ZMYM2: variants seen among roughly 807,000 people sequenced by gnomAD.
The protein encoded by ZMYM2 is zinc finger MYM-type protein 2.
A neutral mutation model predicts 162.8 loss-of-function variants in ZMYM2; 56 were observed. The observed-to-expected ratio is 0.34, with a 90% confidence interval of 0.28 to 0.43. ZMYM2 has a LOEUF of 0.43. Ranked by LOEUF, ZMYM2 falls within the 20% of genes least tolerant of loss-of-function variation. The pLI is 1.00. For missense variants in ZMYM2, 1,275 were observed against 1,621.8 expected, an observed-to-expected ratio of 0.79 and a Z score of 3.67; for synonymous variants, 510 against 541.6, an observed-to-expected ratio of 0.94 and a Z score of 0.81.
At chr13:20,081,961 A>G (rs1235588821) in intron 21 of ZMYM2, 55 bp from the exon 22 acceptor site, 18 of 1,131,634 alleles carry the variant, frequency 1.6e-5, no homozygotes, top group Admixed American at 3.1e-5. Flanking sequence ...TATGTTTACT[A>G]TAATTAGCTG....
intron 6 of ZMYM2, among the ~76,000 whole-genome samples, chr13:20,017,032 T>G (rs1306184117): frequency 6.6e-6 from 1 of 152,234 alleles, no homozygotes; most frequent in African/African-American, 2.4e-5. Flanking sequence ...TTTCCTTTAC[T>G]GCTCCTCAGG....
Position 20,086,473 on chromosome 13 carries a change from C to A in ZMYM2, c.*459C>A, listed in dbSNP as rs1593301704. On this transcript the variant is annotated 3_prime_UTR_variant, in exon 25 of 25. Transcript: ENST00000610343. ...TGTCTTTCGGAATTTTTAAAATAAA[C>A]TGTAAACTAATAGGCTGGGGTTTTT... The A allele has an allele frequency of 2.7e-5, 6 of 221,244 alleles. No individual in the cohort carries two copies. In the East Asian group the frequency reaches 3.9e-4, roughly 15 times the overall value. 13.7% of individuals were successfully genotyped at this position (221,244 alleles called of 1,614,324 possible). A position where few individuals can be genotyped will look rare whatever the true frequency, so the allele number is the denominator to read the frequency against.
chr13:19,935,509 C>T, the ZMYM2 span, among the ~76,000 whole-genome samples: 4 of 152,214 alleles, frequency 2.6e-5, no homozygotes, highest in African/African-American at 9.6e-5. Context: ...TACAATCACA[C>T]CAATAGTGCA....
Position 19,987,572 on chromosome 13 carries a change from CGTGT to C in ZMYM2, c.-10-5468_-10-5465del, listed in dbSNP as rs36128018. ...GGCACCGCACCCGGGCGCCCCGCTA[CGTGT>C]GTGTGTGTGTGTGTGTGTGTGTATA... is the stretch of plus-strand genomic sequence containing the variant. On this transcript the variant is annotated intron_variant, in intron 2 of 24. Coordinates refer to ENST00000610343, the MANE Select transcript of ZMYM2 (RefSeq NM_197968.4). Among the ~76,000 whole-genome samples the C allele has an allele frequency of 2.9e-3, 380 of 133,312 alleles. 4 individuals are homozygous for C. The highest frequency in any genetic ancestry group is 8.6e-3 in the African/African-American group (307 of 35,616). 87.5% of individuals were successfully genotyped at this position (133,312 alleles called of 152,430 possible).
chr13:19,958,547 A>C (rs1332524070), upstream of ZMYM2: 1 of 150,552 alleles, frequency 6.6e-6, no homozygotes, highest in Non-Finnish European at 1.5e-5. Context: ...GGGCCGGGGG[A>C]GTGGCCCGCA....
chr13:19,956,855 A>C (rs1176206710), upstream of ZMYM2, among the ~76,000 whole-genome samples: 2 of 152,212 alleles, frequency 1.3e-5, no homozygotes, highest in African/African-American at 4.8e-5. Flanking sequence ...GTTTTCACCA[A>C]ATTATTACAA....
chr13:20,028,641 T>C (rs943304396), intron 9 of ZMYM2, among the ~76,000 whole-genome samples: 3 of 152,184 alleles, frequency 2.0e-5, no homozygotes, highest in African/African-American at 7.2e-5. Context: ...GCATAGTATT[T>C]GCATGTAACC....
chr13:19,885,919 A>ACATG, the ZMYM2 span, among the ~76,000 whole-genome samples: 3 of 49,732 alleles, frequency 6.0e-5, 1 homozygote, highest in Non-Finnish European at 1.5e-4. Flanking sequence ...GTATATACAC[A>ACATG]TATATATGTG....
At chr13:19,868,294 T>TTATG in the ZMYM2 span, among the ~76,000 whole-genome samples, 1 of 152,228 alleles carries the variant, frequency 6.6e-6, no homozygotes, top group Non-Finnish European at 1.5e-5. Context: ...AGATTAAAGC[T>TTATG]TATGTAGTAG....
intron 7 of ZMYM2, among the ~76,000 whole-genome samples, chr13:20,022,366 G>A (rs1453333541): frequency 6.6e-6 from 1 of 152,152 alleles, no homozygotes; most frequent in Non-Finnish European, 1.5e-5. Flanking sequence ...TACCTCATAA[G>A]CGGTGTTGTG....
rs1955626764 is a variant in ZMYM2 at position 19,965,139 on chromosome 13, G to A, written c.-11+5113G>A. 5.6e-6 allele frequency: 4 copies of A among 720,018 alleles called. No individual in the cohort carries two copies. In the African/African-American group the frequency reaches 5.7e-5, roughly 10 times the overall value. The allele number at this position is 720,018 out of a possible 1,614,324, so 44.6% of individuals were successfully genotyped here. On this transcript the variant is annotated intron_variant, in intron 2 of 24. Coordinates refer to ENST00000610343, the MANE Select transcript of ZMYM2 (RefSeq NM_197968.4). ...TAGCTATTCTAAGTAACATTGGGAT[G>A]CACAGTTAGAAGTTGCAGACAGAAT...
chr13:19,980,481 A>G (rs1400334190), intron 2 of ZMYM2, among the ~76,000 whole-genome samples: 3 of 151,892 alleles, frequency 2.0e-5, no homozygotes, highest in African/African-American at 7.3e-5. Context: ...GCTGGGCGTC[A>G]TGGCTCACGC....
intron 7 of ZMYM2, among the ~76,000 whole-genome samples, chr13:20,021,856 A>G (rs1952136554): frequency 6.6e-6 from 1 of 152,194 alleles, no homozygotes; most frequent in African/African-American, 2.4e-5. Context: ...TTCAGCCAAA[A>G]TACGTCGGTA....
intron 17 of ZMYM2, 143 bp from the exon 18 acceptor site, chr13:20,062,703 T>C (rs1272029792): frequency 1.3e-6 from 1 of 796,614 alleles, no homozygotes; most frequent in Admixed American, 3.5e-5. Context: ...GTTATATATA[T>C]AATATGCCCT....
At chr13:20,005,924 CAATTT>C (rs1030773484) in intron 5 of ZMYM2, among the ~76,000 whole-genome samples, 3 of 151,944 alleles carry the variant, frequency 2.0e-5, no homozygotes, top group African/African-American at 7.2e-5. Flanking sequence ...TGTATAAAAA[CAATTT>C]AAATAATTAT....
chr13:19,876,029 A>T, the ZMYM2 span, among the ~76,000 whole-genome samples: 5 of 145,970 alleles, frequency 3.4e-5, no homozygotes, highest in African/African-American at 1.0e-4. Context: ...TTGTTCTTAA[A>T]TTTTTTTTTT....
At chr13:19,885,972 C>T in the ZMYM2 span, among the ~76,000 whole-genome samples, 5,430 of 96,884 alleles carry the variant, frequency 0.056, 2,258 homozygotes, top group African/African-American at 0.078. Flanking sequence ...TGTGTATACA[C>T]ATATATATGT....
At chr13:20,083,830 T>G in intron 24 of ZMYM2, 54 bp downstream of exon 24, 1 of 1,547,034 alleles carries the variant, frequency 6.5e-7, no homozygotes, top group Non-Finnish European at 8.8e-7. Flanking sequence ...TTGGCTGGTT[T>G]AAATTTAACA....
rs535084759 is a variant in ZMYM2 at position 20,020,249 on chromosome 13, T to C, written c.1584+631T>C. On this transcript the variant is annotated intron_variant, in intron 7 of 24. Transcript: ENST00000610343. The stretch of plus-strand genomic sequence containing the variant: ...TATTCCTCTTCTTTTTTTTTTTTTT[T>C]TTGAGACAGAGTTTCGCTCTTGTTG... 3.3e-5 allele frequency among the ~76,000 whole-genome samples: 5 copies of C among 151,670 alleles called. No individual in the cohort carries two copies. The South Asian group carries it at 1.0e-3, about 31-fold the overall frequency.
Sources: gnomAD v4.1 joint callset for allele counts (sites outside exome capture counted in the v4.1 genomes callset) on GRCh38, gnomAD v4.1.1 for gene constraint, MANE v1.5 for transcripts, NCBI Gene and HGNC (gene_info 2026-07-23, HGNC 2026-07-21) for gene names.